SCHIP1: variants seen among roughly 807,000 people sequenced by gnomAD.
The protein encoded by SCHIP1 is schwannomin interacting protein 1, also known as schwannomin-interacting protein 1.
A neutral mutation model predicts 29.7 loss-of-function variants in SCHIP1; 8 were observed. The observed-to-expected ratio is 0.27, with a 90% confidence interval of 0.16 to 0.49. The LOEUF is 0.49. Among genes scored for constraint, SCHIP1 ranks in the 20% least tolerant of loss-of-function variants. The pLI, the probability that SCHIP1 is intolerant of heterozygous loss-of-function variation, is 0.99. For synonymous variants in SCHIP1, 76 were observed against 94.9 expected, an observed-to-expected ratio of 0.80 and a Z score of 1.16; for missense variants, 193 against 294.6, an observed-to-expected ratio of 0.66 and a Z score of 2.52.
intron 2 of SCHIP1, among the ~76,000 whole-genome samples, chr3:159,875,835 G>A (rs1715745415): frequency 6.6e-6 from 1 of 152,170 alleles, no homozygotes; most frequent in African/African-American, 2.4e-5. Context: ...GCATGTGCCT[G>A]TAGTCACAGC....
the SCHIP1 span, among the ~76,000 whole-genome samples, chr3:159,756,492 C>A: frequency 2.0e-5 from 3 of 152,166 alleles, no homozygotes; most frequent in East Asian, 5.8e-4. Flanking sequence ...ACCACTTTTA[C>A]CCCCTAGGCT....
the SCHIP1 span, among the ~76,000 whole-genome samples, chr3:159,547,681 C>G: frequency 2.8e-4 from 43 of 152,188 alleles, no homozygotes; most frequent in Middle Eastern, 6.8e-3. Context: ...AATCCTTTCC[C>G]CATTGCTGGG....
At chr3:159,466,100 G>C in the SCHIP1 span, among the ~76,000 whole-genome samples, 1 of 152,156 alleles carries the variant, frequency 6.6e-6, no homozygotes, top group South Asian at 2.1e-4. Flanking sequence ...AAACATTTGA[G>C]TATCATTTAG....
At chr3:159,431,850 T>C in the SCHIP1 span, among the ~76,000 whole-genome samples, 1 of 152,072 alleles carries the variant, frequency 6.6e-6, no homozygotes, top group East Asian at 1.9e-4. Flanking sequence ...ATTTTCTTAT[T>C]TATCATTCAT....
At chr3:159,327,366 G>A in the SCHIP1 span, among the ~76,000 whole-genome samples, 3 of 152,178 alleles carry the variant, frequency 2.0e-5, no homozygotes, top group Non-Finnish European at 4.4e-5. Context: ...TGTTCCAAGT[G>A]CCTAGTAATT....
chr3:159,420,271 A>C, the SCHIP1 span, among the ~76,000 whole-genome samples: 2 of 152,226 alleles, frequency 1.3e-5, no homozygotes, highest in African/African-American at 4.8e-5. Context: ...GCAAAAGAGA[A>C]AAAACATCAG....
the SCHIP1 span, among the ~76,000 whole-genome samples, chr3:159,436,111 A>G: frequency 6.6e-6 from 1 of 152,174 alleles, no homozygotes; most frequent in Non-Finnish European, 1.5e-5. Flanking sequence ...GTGGTCACCC[A>G]AAGTAACCCC....
At chr3:159,739,439 A>G in the SCHIP1 span, among the ~76,000 whole-genome samples, 1 of 152,208 alleles carries the variant, frequency 6.6e-6, no homozygotes, top group Admixed American at 6.5e-5. Context: ...CAAGAGGAGT[A>G]TTGGTGAAGG....
chr3:159,310,546 C>T, the SCHIP1 span, among the ~76,000 whole-genome samples: 2 of 152,166 alleles, frequency 1.3e-5, no homozygotes, highest in African/African-American at 2.4e-5. Flanking sequence ...AAAATTCTGT[C>T]GTTGTTTCCA....
At chr3:159,462,628 T>C in the SCHIP1 span, among the ~76,000 whole-genome samples, 1 of 152,140 alleles carries the variant, frequency 6.6e-6, no homozygotes, top group Non-Finnish European at 1.5e-5. Context: ...TGTTATTTCC[T>C]TGTTCAGAAA....
the SCHIP1 span, among the ~76,000 whole-genome samples, chr3:159,287,565 T>TG: frequency 6.6e-6 from 1 of 152,168 alleles, no homozygotes; most frequent in Non-Finnish European, 1.5e-5. Context: ...TTTAAATTAC[T>TG]GTCTAGCACA....
chr3:159,729,247 A>T, the SCHIP1 span, among the ~76,000 whole-genome samples: 1 of 152,198 alleles, frequency 6.6e-6, no homozygotes, highest in Non-Finnish European at 1.5e-5. Flanking sequence ...TAAAAAAATT[A>T]CCTATTTTTT....
chr3:159,392,783 G>GTGTC, the SCHIP1 span, among the ~76,000 whole-genome samples: 1 of 152,092 alleles, frequency 6.6e-6, no homozygotes, highest in Non-Finnish European at 1.5e-5. Context: ...ACGTGTGCAT[G>GTGTC]TGTCTTTATA....
the SCHIP1 span, among the ~76,000 whole-genome samples, chr3:159,349,959 G>A: frequency 6.6e-6 from 1 of 152,086 alleles, no homozygotes; most frequent in Admixed American, 6.6e-5. Context: ...TGTGAGGTGG[G>A]TCAGTATTTG....
the SCHIP1 span, among the ~76,000 whole-genome samples, chr3:159,280,248 T>TTTATTGCTATGCCTAGACTATGCC: frequency 6.6e-6 from 1 of 152,206 alleles, no homozygotes; most frequent in African/African-American, 2.4e-5. Context: ...TAGACTATGC[T>TTTATTGCTATGCCTAGACTATGCC]TTATTGCTAT....
exon 3 of SCHIP1, chr3:159,886,281 A>G: frequency 6.2e-7 from 1 of 1,614,164 alleles, no homozygotes; most frequent in Non-Finnish European, 8.5e-7. Context: ...GATGCTGATG[A>G]CAGTAAGACT....
chr3:159,588,876 G>T, the SCHIP1 span, among the ~76,000 whole-genome samples: 9 of 152,192 alleles, frequency 5.9e-5, no homozygotes, highest in Non-Finnish European at 1.3e-4. Context: ...CCTTGTAGTA[G>T]AGTTTGAAGT....
chr3:159,482,801 G>A, the SCHIP1 span, among the ~76,000 whole-genome samples: 1 of 152,038 alleles, frequency 6.6e-6, no homozygotes, highest in African/African-American at 2.4e-5. Context: ...ACCACCTCGG[G>A]ATAAGCATGA....
the SCHIP1 span, among the ~76,000 whole-genome samples, chr3:159,393,191 T>G: frequency 6.6e-6 from 1 of 152,232 alleles, no homozygotes; most frequent in South Asian, 2.1e-4. Flanking sequence ...TTGTTTGAGT[T>G]CATTGTAGAT....
Sources: allele counts gnomAD v4.1 joint callset (sites outside exome capture counted in the v4.1 genomes callset), GRCh38; gene constraint gnomAD v4.1.1; transcripts MANE v1.5; gene names NCBI Gene and HGNC (gene_info 2026-07-23, HGNC 2026-07-21).